The following MAN2C1 variants were observed in gnomAD, a reference collection of about 807,000 sequenced individuals.
The protein encoded by MAN2C1 is alpha-mannosidase 2C1.
In MAN2C1, 111 loss-of-function variants were observed where a neutral mutation model predicts 126.9. The observed-to-expected ratio is 0.87, with a 90% CI of 0.75 to 1.02. The LOEUF (loss-of-function observed/expected upper bound fraction) is 1.02. Ranked by LOEUF, MAN2C1 falls within the 50% of genes least tolerant of loss-of-function variation. The probability of loss-of-function intolerance (pLI) is 0.00; values close to 1 mark genes in which losing one functional copy is unlikely to be tolerated. For synonymous variants in MAN2C1, 567 were observed against 561.5 expected, an observed-to-expected ratio of 1.01 and a Z score of -0.14; for missense variants, 1,363 against 1,364.4, an observed-to-expected ratio of 1.00 and a Z score of 0.02.
chr15:75,366,429 C>T lies in MAN2C1; in HGVS notation c.422+93G>A, dbSNP rs191662643. The T allele has an allele frequency of 8.4e-4, 840 of 994,600 alleles. 9 individuals carry two copies. The African/African-American group carries it at 0.011, about 13-fold the overall frequency. 61.6% of individuals were successfully genotyped at this position (994,600 alleles called of 1,614,324 possible). ...GAGGATGATTGTGCTAGAGCAGAGG[C>T]GGGCTTATGAGATCACTCTGGGCCT... On this transcript the variant is annotated intron_variant, in intron 4 of 25. Coordinates refer to ENST00000267978, the MANE Select transcript of MAN2C1 (RefSeq NM_006715.4).
chr15:75,358,980 G>A, intron 18 of MAN2C1, 79 bp downstream of exon 18: 3 of 1,579,298 alleles, frequency 1.9e-6, no homozygotes, highest in Non-Finnish European at 2.6e-6. Context: ...GCTGTGGGCA[G>A]TGTTGTGGCA....
Position 75,362,788 on chromosome 15 carries a change from G to A in MAN2C1, c.791-40C>T, listed in dbSNP as rs1286913840. 1.9e-6 allele frequency: 3 copies of A among 1,564,486 alleles called. No homozygotes were observed. Among genetic ancestry groups the A allele is most frequent in the East Asian group, 2.2e-5 (1 of 44,592 alleles). On this transcript the variant is annotated intron_variant, in intron 6 of 25. Transcript: ENST00000267978. The surrounding 1 kb of genome is among the most constrained non-coding windows in gnomAD (Gnocchi z 4.5). ...AGGTGGAGGACAGAGGGAGCAGCAA[G>A]GCTGACCAGGCCTGGGCTGGGACTC...
Position 75,367,542 on chromosome 15 carries a change from CCTT to C in MAN2C1, c.317_319del (p.Glu106del). On this transcript the variant is annotated inframe_deletion, in exon 3 of 26. Transcript: ENST00000267978. The stretch of plus-strand genomic sequence containing the variant: ...AGGTTCTCCATCACGCCACACCAGA[CCTT>C]CTCCATCACTTTCCCAGCAAAGGTG... The C allele has an allele frequency of 6.2e-7, 1 of 1,614,202 alleles. No individual in the cohort carries two copies. The highest frequency in any genetic ancestry group is 8.5e-7 in the Non-Finnish European group (1 of 1,180,030).
rs1428340133 is a variant in MAN2C1 at position 75,362,810 on chromosome 15, A to T, written c.791-62T>A. On this transcript the variant is annotated intron_variant, in intron 6 of 25. Transcript: ENST00000267978. The surrounding 1 kb of genome is among the most constrained non-coding windows in gnomAD (Gnocchi z 4.5). ...CAAGGCTGACCAGGCCTGGGCTGGG[A>T]CTCCAGAGGGTCACCTAGCCCCCCT... The T allele has an allele frequency of 2.8e-6, 4 of 1,420,832 alleles. No homozygotes were observed. The highest frequency in any genetic ancestry group is 4.0e-6 in the Non-Finnish European group (4 of 1,010,230). 88.0% of individuals were successfully genotyped at this position (1,420,832 alleles called of 1,614,324 possible).
In MAN2C1 at chr15:75,356,218, G is replaced by A. The variant is rs754290709; in HGVS notation, c.2888C>T (p.Ala963Val). 59 of 1,612,810 alleles carry A rather than the reference G, an allele frequency of 3.7e-5. No individual in the cohort carries two copies. The highest frequency in any genetic ancestry group is 1.7e-4 in the Middle Eastern group (1 of 6,052). ...CGAGCGGCGCTGGGGGCTGCTCTCC[G>A]CCTGCAGAGGAACACGTCTGGTGGG... ...PAVVLETVKQ[A>V]ESSPQRRSLV... is the part of the protein sequence containing the mutation. Residue 963 changes from alanine to valine, a missense_variant and splice_region_variant, in exon 25 of 26, where the codon GCG becomes GTG. By Grantham distance (64) the Ala-to-Val change is moderately conservative. Coordinates refer to ENST00000267978, the MANE Select transcript of MAN2C1 (RefSeq NM_006715.4). This position sits in a 1 kb window ranked among gnomAD's most constrained non-coding sequence, Gnocchi z 5.8.
chr15:75,359,645 G>A lies in MAN2C1; in HGVS notation c.1923C>T (p.Pro641=). ...PWKRIEVMAL[P]KPGGAHSLAL... is the part of the protein sequence containing the mutation. Reference sequence around the variant, plus strand: ...CTAGGCTGTGGGCCCCGCCCGGTTTGGGCAGGGCCATCACTTCGATCCGCT... The same window carrying A: ...CTAGGCTGTGGGCCCCGCCCGGTTTAGGCAGGGCCATCACTTCGATCCGCT... Residue 641 remains proline, a synonymous_variant, in exon 16 of 26, where the codon CCC becomes CCT. Coordinates refer to ENST00000267978, the MANE Select transcript of MAN2C1 (RefSeq NM_006715.4). The A allele has an allele frequency of 6.2e-7, 1 of 1,614,122 alleles. No individual in the cohort carries two copies. The highest frequency in any genetic ancestry group is 8.5e-7 in the Non-Finnish European group (1 of 1,180,028).
In MAN2C1 at chr15:75,358,717, GGTAGTCCATGAC is replaced by G. The variant is rs1310324764; in HGVS notation, c.2221_2232del (p.Val741_Tyr744del). On this transcript the variant is annotated inframe_deletion, in exon 19 of 26. Coordinates refer to ENST00000267978, the MANE Select transcript of MAN2C1 (RefSeq NM_006715.4). The stretch of plus-strand genomic sequence containing the variant: ...CCCAGCCTATACCGTGTCTCCAGGT[GGTAGTCCATGAC>G]GTCCCATGCATCCCAGTACAAGGGG... 34 of 1,613,894 alleles carry G rather than the reference GGTAGTCCATGAC, an allele frequency of 2.1e-5. No homozygotes were observed. Among genetic ancestry groups the G allele is most frequent in the Non-Finnish European group, 2.8e-5 (33 of 1,179,914 alleles).
intron 3 of MAN2C1, 31 bp downstream of exon 3, chr15:75,367,480 C>T: frequency 6.2e-7 from 1 of 1,610,388 alleles, no homozygotes; most frequent in Non-Finnish European, 8.5e-7. Flanking sequence ...TGAAATGTGG[C>T]CATACCTGGC....
At chr15:75,367,988 G>T in intron 2 of MAN2C1, 85 bp downstream of exon 2, 1 of 1,471,136 alleles carries the variant, frequency 6.8e-7, no homozygotes, top group South Asian at 1.3e-5. Flanking sequence ...CTACGGCAGA[G>T]GGCAGACAAC....
At chr15:75,364,366 C>T (rs1420192540) in intron 5 of MAN2C1, 122 bp downstream of exon 5, 1 of 1,298,564 alleles carries the variant, frequency 7.7e-7, no homozygotes, top group South Asian at 1.6e-5. Flanking sequence ...TCTCAACCCT[C>T]AAGCAGGTGG....
At chr15:75,368,018 G>C in intron 2 of MAN2C1, 55 bp downstream of exon 2, 2 of 1,549,874 alleles carry the variant, frequency 1.3e-6, no homozygotes, top group Non-Finnish European at 8.7e-7. Flanking sequence ...GCTGGGAGCT[G>C]GGTTGGGACT....
In MAN2C1 at chr15:75,367,513, G is replaced by A; in HGVS notation, c.349C>T (p.Gln117Ter). 1 of 1,613,864 alleles carries A rather than the reference G, an allele frequency of 6.2e-7. No individual in the cohort carries two copies. Among genetic ancestry groups the A allele is most frequent in the Non-Finnish European group, 8.5e-7 (1 of 1,179,862 alleles). ...GGCCCTAGGACAGGGTTCCTCACCT[G>A]GACAGGTTCTCCATCACGCCACACC... ...GLVWRDGEPV[Q>*]GLTKEGEKTS... Residue 117 changes from glutamine to a stop codon, truncating the protein, a stop_gained and splice_region_variant, in exon 3 of 26, where the codon CAG becomes TAG. Transcript: ENST00000267978. LOFTEE classifies it high-confidence loss of function.
intron 4 of MAN2C1, 92 bp downstream of exon 4, chr15:75,366,430 G>A (rs910042521): frequency 2.2e-5 from 22 of 1,003,236 alleles, no homozygotes; most frequent in Middle Eastern, 2.9e-4. Context: ...GAGCAGAGGC[G>A]GGCTTATGAG....
In MAN2C1 at chr15:75,362,516, A is replaced by G; in HGVS notation, c.898-63T>C. 2 of 1,518,214 alleles carry G rather than the reference A, an allele frequency of 1.3e-6. No homozygotes were observed. Among genetic ancestry groups the G allele is most frequent in the Non-Finnish European group, 1.8e-6 (2 of 1,108,616 alleles). The allele number at this position is 1,518,214 out of a possible 1,614,324, so 94.0% of individuals were successfully genotyped here. On this transcript the variant is annotated intron_variant, in intron 7 of 25. Coordinates refer to ENST00000267978, the MANE Select transcript of MAN2C1 (RefSeq NM_006715.4). This position sits in a 1 kb window ranked among gnomAD's most constrained non-coding sequence, Gnocchi z 4.5. ...AAGGGCCCCACCCAGGACTGAGCAT[A>G]TGGGACTCAGTGTGTGGCTGAGGGT...
rs373885929 is a variant in MAN2C1 at position 75,362,470 on chromosome 15, G to A, written c.898-17C>T. The A allele has an allele frequency of 1.3e-6, 2 of 1,591,320 alleles. No homozygotes were observed. Among genetic ancestry groups the A allele is most frequent in the African/African-American group, 1.3e-5 (1 of 74,324 alleles). ...CTGCTGCGCCTGTGGGCAGGTTGAA[G>A]GGAGCTGGGACCAGAGTGACAAGGG... On this transcript the variant is annotated splice_polypyrimidine_tract_variant and intron_variant, in intron 7 of 25. Coordinates refer to ENST00000267978, the MANE Select transcript of MAN2C1 (RefSeq NM_006715.4). The surrounding 1 kb of genome is among the most constrained non-coding windows in gnomAD (Gnocchi z 4.5).
chr15:75,358,063 G>A (rs915765259), intron 21 of MAN2C1, 138 bp downstream of exon 21: 3 of 1,087,210 alleles, frequency 2.8e-6, no homozygotes, highest in Non-Finnish European at 4.0e-6. Context: ...CCAATGTAAA[G>A]CATTTAGTGC....
In MAN2C1 at chr15:75,356,326, G is replaced by A. The variant is rs779206038; in HGVS notation, c.2861C>T (p.Ala954Val). 9.3e-6 allele frequency: 15 copies of A among 1,612,008 alleles called. No homozygotes were observed. The highest frequency in any genetic ancestry group is 2.2e-5 in the East Asian group (1 of 44,806). ...SWSAFSVSSP[A>V]VVLETVKQAE... Reference sequence around the variant, plus strand: ...CTGCTTGACGGTCTCCAATACGACCGCGGGTGAAGACACGGAAAACGCACT... The same window carrying A: ...CTGCTTGACGGTCTCCAATACGACCACGGGTGAAGACACGGAAAACGCACT... The change falls in exon 24 of 26, where the codon GCG becomes GTG. Residue 954 changes from alanine (A) to valine (V), a missense_variant. Around this residue, in one of 3 missense-constraint regions of MAN2C1, gnomAD observed 668 missense variants for 650.1 expected, o/e 1.03. Transcript: ENST00000267978. This position sits in a 1 kb window ranked among gnomAD's most constrained non-coding sequence, Gnocchi z 5.8.
In MAN2C1 at chr15:75,358,563, G is replaced by T. The variant is rs148467582; in HGVS notation, c.2302C>A (p.Arg768=). 1 of 1,613,388 alleles carries T rather than the reference G, an allele frequency of 6.2e-7. No homozygotes were observed. The highest frequency in any genetic ancestry group is 1.7e-5 in the Admixed American group (1 of 60,030). ...TLAVGTEGGL[R]GSAWFLLQIS... ...TGTAGCAAGAACCAGGCGCTGCCCCGCAGGCCGCCCTCGGTGCCCACTGCC... is the reference window on the plus strand; with the variant it reads ...TGTAGCAAGAACCAGGCGCTGCCCCTCAGGCCGCCCTCGGTGCCCACTGCC... The change falls in exon 20 of 26, where the codon CGG becomes AGG. Residue 768 remains arginine, a synonymous_variant. Transcript: ENST00000267978.
At chr15:75,363,281 C>G (rs1349027795) in intron 6 of MAN2C1, 1 of 455,968 alleles carries the variant, frequency 2.2e-6, no homozygotes, top group East Asian at 6.9e-5. Flanking sequence ...AGAATCAATA[C>G]CTTCAGGAGC....
Sources: gnomAD v4.1 joint callset for allele counts on GRCh38, gnomAD v4.1.1 for gene constraint, gnomAD v4.1.1 regional missense constraint, Gnocchi (gnomAD v3.1) non-coding constraint, MANE v1.5 for transcripts, NCBI Gene and HGNC (gene_info 2026-07-23, HGNC 2026-07-21) for gene names.